Variants in MYO16 observed in about 807,000 individuals in gnomAD.
The protein encoded by MYO16 is unconventional myosin-XVI.
Under a neutral mutation model 205.3 loss-of-function variants are expected in MYO16, and 94 were observed. The ratio of observed to expected loss-of-function variants is 0.46; its 90% CI spans 0.39 to 0.54. The LOEUF is 0.54. MYO16 is among the 20% of genes least tolerant of loss of function. MYO16 has a pLI of 0.00. For synonymous variants in MYO16, 988 were observed against 954.0 expected, an observed-to-expected ratio of 1.04 and a Z score of -0.66; for missense variants, 2,315 against 2,387.5, an observed-to-expected ratio of 0.97 and a Z score of 0.63.
At chr13:108,846,604 G>A (rs576607001) in intron 10 of MYO16, among the ~76,000 whole-genome samples, 4 of 151,964 alleles carry the variant, frequency 2.6e-5, no homozygotes, top group Admixed American at 6.6e-5. Flanking sequence ...ATAGTTATGT[G>A]AGCAAAGAAA....
chr13:109,178,656 GC>G (rs1316010420), intron 33 of MYO16, among the ~76,000 whole-genome samples: 1 of 151,988 alleles, frequency 6.6e-6, no homozygotes, highest in African/African-American at 2.4e-5. Flanking sequence ...GATGCATTGC[GC>G]CTGTATCACA....
At chr13:109,191,307 G>A (rs1055917998) in intron 34 of MYO16, among the ~76,000 whole-genome samples, 7 of 152,132 alleles carry the variant, frequency 4.6e-5, no homozygotes, top group African/African-American at 1.7e-4. Flanking sequence ...ACAAGTCTAG[G>A]CACGTGGGAT....
At chr13:108,763,686 T>C (rs1885685320) in intron 4 of MYO16, among the ~76,000 whole-genome samples, 1 of 151,974 alleles carries the variant, frequency 6.6e-6, no homozygotes, top group African/African-American at 2.4e-5. Flanking sequence ...GGGCCACGAG[T>C]TCCTTTTAGG....
At chr13:108,718,929 G>C (rs1421772160) in intron 3 of MYO16, among the ~76,000 whole-genome samples, 1 of 152,066 alleles carries the variant, frequency 6.6e-6, no homozygotes, top group Non-Finnish European at 1.5e-5. Context: ...GGACAAAAGG[G>C]CAACAGAAGA....
At chr13:108,593,579 T>C (rs1054595567), upstream of MYO16, among the ~76,000 whole-genome samples, 36 of 152,174 alleles carry the variant, frequency 2.4e-4, no homozygotes, top group Non-Finnish European at 3.4e-4. Context: ...ATGGTTTACA[T>C]AGTGGTGTAT....
chr13:108,608,763 C>T (rs1302024218), intron 1 of MYO16, among the ~76,000 whole-genome samples: 2 of 151,976 alleles, frequency 1.3e-5, no homozygotes, highest in Non-Finnish European at 2.9e-5. Context: ...CTGCCTTGGC[C>T]TCCCGAATAG....
intron 9 of MYO16, among the ~76,000 whole-genome samples, chr13:108,828,919 G>T (rs1256289188): frequency 6.6e-6 from 1 of 152,194 alleles, no homozygotes; most frequent in Non-Finnish European, 1.5e-5. Flanking sequence ...TTTTTCATAT[G>T]TATTTGTTTG....
intron 16 of MYO16, among the ~76,000 whole-genome samples, chr13:108,926,845 C>T (rs574202529): frequency 2.4e-4 from 36 of 152,152 alleles, no homozygotes; most frequent in Admixed American, 1.0e-3. Context: ...TTTGAATAGA[C>T]GGTGTTAAAC....
intron 2 of MYO16, among the ~76,000 whole-genome samples, chr13:108,698,886 C>T (rs1883189538): frequency 6.6e-6 from 1 of 152,068 alleles, no homozygotes; most frequent in African/African-American, 2.4e-5. Flanking sequence ...ACAATAATAT[C>T]ATACTTTCAT....
the MYO16 span, among the ~76,000 whole-genome samples, chr13:108,549,826 T>G: frequency 1.3e-5 from 2 of 152,228 alleles, no homozygotes; most frequent in Non-Finnish European, 2.9e-5. Flanking sequence ...ATTAAAAGTT[T>G]AAAAGACCCT....
At chr13:109,163,416 C>T (rs2139872693) in intron 32 of MYO16, among the ~76,000 whole-genome samples, 1 of 152,250 alleles carries the variant, frequency 6.6e-6, no homozygotes, top group African/African-American at 2.4e-5. Flanking sequence ...CAAGTCAAGA[C>T]CAGCCTTGAG....
In MYO16 at chr13:108,752,637, T is replaced by C. The variant is rs190093338; in HGVS notation, c.507+25054T>C. Among the ~76,000 whole-genome samples, 462 of 150,940 alleles carry C rather than the reference T, an allele frequency of 3.1e-3. 2 individuals carry two copies. Among genetic ancestry groups the C allele is most frequent in the African/African-American group, 0.011 (446 of 41,158 alleles). On this transcript the variant is annotated intron_variant, in intron 4 of 34. Coordinates refer to ENST00000457511, the MANE Select transcript of MYO16 (RefSeq NM_001198950.3). ...AAAGATTATATGGCCTTTACTTTTT[T>C]TTTTCTTTTCTTTTTTTTTTTTGAG...
chr13:109,012,781 A>ATATATATATATATATGTG (rs1566460479), intron 22 of MYO16, among the ~76,000 whole-genome samples: 3 of 106,828 alleles, frequency 2.8e-5, no homozygotes, highest in Non-Finnish European at 6.2e-5. Context: ...GTGTGTGTGT[A>ATATATATATATATATGTG]TATATATATA....
At chr13:109,104,130 G>T (rs1470847444) in intron 28 of MYO16, among the ~76,000 whole-genome samples, 2 of 152,118 alleles carry the variant, frequency 1.3e-5, no homozygotes, top group African/African-American at 2.4e-5. Context: ...TTCAGTGGGA[G>T]TGCCACTTTG....
rs10557146 is a variant in MYO16, at chr13:109,055,246, T to TACACACACACACACAC, written c.3130-130_3130-115dup. 1.2e-5 allele frequency: 8 copies of TACACACACACACACAC among 658,688 alleles called. No homozygotes were observed. In the East Asian group the frequency reaches 1.5e-4, roughly 12 times the overall value. The allele number at this position is 658,688 out of a possible 1,614,324, so 40.8% of individuals were successfully genotyped here. On this transcript the variant is annotated intron_variant, in intron 26 of 34. Coordinates refer to ENST00000457511, the MANE Select transcript of MYO16 (RefSeq NM_001198950.3). This position sits in a 1 kb window ranked among gnomAD's most constrained non-coding sequence, Gnocchi z 5.0. ...AATATCTTCACAAAAAAAGTAAACATACACACACACACACACACACACACA... is the reference window on the plus strand; with the variant it reads ...AATATCTTCACAAAAAAAGTAAACATACACACACACACACACACACACACACACACACACACACACA...
rs1881709629 is a variant in MYO16 at position 108,920,672 on chromosome 13, T to C, written c.1925+10522T>C. 2.0e-5 allele frequency among the ~76,000 whole-genome samples: 3 copies of C among 152,190 alleles called. No homozygotes were observed. The South Asian group carries it at 6.2e-4, about 31-fold the overall frequency. On this transcript the variant is annotated intron_variant, in intron 16 of 34. Coordinates refer to ENST00000457511, the MANE Select transcript of MYO16 (RefSeq NM_001198950.3). ...CGGGGTTTCACCATGTTGGCCAGGC[T>C]GGTCTCAAACTCCTTACCTCTGGTG... is the stretch of plus-strand genomic sequence containing the variant.
rs896661307 is a variant in MYO16 at position 108,608,652 on chromosome 13, AT to A, written c.-39+12423del. 9.4e-3 allele frequency among the ~76,000 whole-genome samples: 228 copies of A among 24,282 alleles called. 1 individual carries two copies. Among genetic ancestry groups the A allele is most frequent in the African/African-American group, 0.023 (205 of 8,996 alleles). The allele number at this position is 24,282 out of a possible 152,430, so 15.9% of individuals were successfully genotyped here. On this transcript the variant is annotated intron_variant, in intron 1 of 24. Coordinates refer to the MYO16 transcript ENST00000251041. ...ATCTGAACCCACTTACCCACAAATG[AT>A]TTTTTTTTTGAGACAGTCCTGCTCT...
intron 23 of MYO16, among the ~76,000 whole-genome samples, chr13:109,044,890 G>A (rs567976470): frequency 6.6e-6 from 1 of 152,054 alleles, no homozygotes; most frequent in Non-Finnish European, 1.5e-5. Context: ...GGGTTTCACT[G>A]TATTGGTCAG....
chr13:109,073,234 T>C (rs1887982655), intron 27 of MYO16, among the ~76,000 whole-genome samples: 1 of 151,850 alleles, frequency 6.6e-6, no homozygotes. Context: ...CCCGAGTAGC[T>C]AGGATTACAG....
Sources: gnomAD v4.1 joint callset for allele counts (sites outside exome capture counted in the v4.1 genomes callset) on GRCh38, gnomAD v4.1.1 for gene constraint, Gnocchi (gnomAD v3.1) non-coding constraint, MANE v1.5 for transcripts, NCBI Gene and HGNC (gene_info 2026-07-23, HGNC 2026-07-21) for gene names.